The following C3orf70 variants were observed in gnomAD, a reference collection of about 807,000 sequenced individuals.
C3orf70 encodes UPF0524 protein C3orf70.
C3orf70 carries 15 observed loss-of-function variants against 20.7 expected under a neutral mutation model. The observed-to-expected ratio is 0.72, with a 90% CI of 0.48 to 1.11. The LOEUF is 1.11. C3orf70 is among the 50% of genes most tolerant of loss of function. C3orf70 has a pLI of 0.00. For missense variants in C3orf70, 332 were observed against 317.6 expected (o/e 1.05, Z -0.34); for synonymous variants, 161 against 125.7 (o/e 1.28, Z -1.88).
intron 1 of C3orf70, among the ~76,000 whole-genome samples, chr3:185,123,857 A>C (rs1337198396): frequency 1.3e-5 from 2 of 152,180 alleles, no homozygotes; most frequent in African/African-American, 4.8e-5. Flanking sequence ...AAGAATTTTA[A>C]ATTATTTTTT....
intron 1 of C3orf70, among the ~76,000 whole-genome samples, chr3:185,123,736 A>G (rs1178988049): frequency 6.6e-6 from 1 of 152,166 alleles, no homozygotes. Context: ...GATTACAAAA[A>G]TATATATTAT....
At position 185,151,286 on chromosome 3, in the gene C3orf70, T is replaced by C. The variant is rs139914470; in HGVS notation, c.196+1342A>G. On this transcript the variant is annotated intron_variant, in intron 1 of 1. Coordinates refer to ENST00000335012, the MANE Select transcript of C3orf70 (RefSeq NM_001025266.3). ...AAGACAGACAGTAACCTGGACTATC[T>C]TGAACATTCCTCACATTTTACACAA... Among the ~76,000 whole-genome samples the C allele has an allele frequency of 5.3e-5, 8 of 152,330 alleles. No homozygotes were observed. The East Asian group carries it at 1.5e-3, about 29-fold the overall frequency.
chr3:185,152,881 G>T lies in C3orf70; in HGVS notation c.-58C>A. On this transcript the variant is annotated 5_prime_UTR_variant, in exon 1 of 2. Transcript: ENST00000335012. ...AGCCCGGGAGAAGCGACGTCTGGGTGGGCAGGAAGCCGAGCCGGCTGCGGA... is the reference window on the plus strand; with the variant it reads ...AGCCCGGGAGAAGCGACGTCTGGGTTGGCAGGAAGCCGAGCCGGCTGCGGA... 2 of 1,408,626 alleles carry T rather than the reference G, an allele frequency of 1.4e-6. No individual in the cohort carries two copies. The highest frequency in any genetic ancestry group is 1.9e-6 in the Non-Finnish European group (2 of 1,073,150). The allele number at this position is 1,408,626 out of a possible 1,614,324, so 87.3% of individuals were successfully genotyped here.
At chr3:185,095,127 T>C (rs542545095) in intron 1 of C3orf70, among the ~76,000 whole-genome samples, 5 of 152,054 alleles carry the variant, frequency 3.3e-5, no homozygotes, top group Non-Finnish European at 7.4e-5. Flanking sequence ...TTCATTACCA[T>C]TATTATCTTT....
At chr3:185,120,884 A>C (rs7644741) in intron 1 of C3orf70, among the ~76,000 whole-genome samples, 7,872 of 152,168 alleles carry the variant, frequency 0.052, 664 homozygotes, top group African/African-American at 0.18. Context: ...TACTGGGTAT[A>C]TACCCAGAAG....
At chr3:185,108,734 C>T (rs1043538613) in intron 1 of C3orf70, among the ~76,000 whole-genome samples, 2 of 152,194 alleles carry the variant, frequency 1.3e-5, no homozygotes, top group East Asian at 3.8e-4. Flanking sequence ...TGGTACATTC[C>T]TCATCTTTTA....
rs1309294242 is a variant in C3orf70, at chr3:185,146,059, T to TGGAAGAA, written c.196+6568_196+6569insTTCTTCC. On this transcript the variant is annotated intron_variant, in intron 1 of 1. Coordinates refer to ENST00000335012, the MANE Select transcript of C3orf70 (RefSeq NM_001025266.3). ...AGAACCTATCAGCTTTCTCTGTCTC[T>TGGAAGAA]CGAAGAACCTATCAGCTTTCTCTGT... Among the ~76,000 whole-genome samples the TGGAAGAA allele has an allele frequency of 3.1e-4, 47 of 152,086 alleles. 3 individuals are homozygous for TGGAAGAA. Among genetic ancestry groups the TGGAAGAA allele is most frequent in the African/African-American group, 1.1e-3 (45 of 41,464 alleles).
chr3:185,113,599 A>C (rs982012987), intron 1 of C3orf70, among the ~76,000 whole-genome samples: 2 of 152,226 alleles, frequency 1.3e-5, no homozygotes, highest in African/African-American at 4.8e-5. Context: ...CCTATTCATT[A>C]GTCTTAGGGC....
chr3:185,103,841 G>A (rs1393067398), intron 1 of C3orf70, among the ~76,000 whole-genome samples: 2 of 152,138 alleles, frequency 1.3e-5, no homozygotes, highest in Non-Finnish European at 2.9e-5. Context: ...TGTGATTAGT[G>A]GGCTCCCAGG....
intron 1 of C3orf70, among the ~76,000 whole-genome samples, chr3:185,098,517 A>G (rs1715755842): frequency 6.6e-6 from 1 of 152,220 alleles, no homozygotes; most frequent in South Asian, 2.1e-4. Flanking sequence ...GATTAATGCT[A>G]ATAACTCAGA....
intron 1 of C3orf70, among the ~76,000 whole-genome samples, chr3:185,098,386 T>A (rs185128785): frequency 2.0e-5 from 3 of 152,362 alleles, no homozygotes; most frequent in Non-Finnish European, 2.9e-5. Flanking sequence ...TTACAGACTA[T>A]GAGCCTAAAA....
rs1715322576 is a variant in C3orf70, at chr3:185,080,926, G to A, written c.*2081C>T. 3 of 152,118 alleles carry A rather than the reference G, an allele frequency of 2.0e-5. No individual in the cohort carries two copies. The South Asian group carries it at 6.2e-4, about 32-fold the overall frequency. The allele number at this position is 152,118 out of a possible 1,614,324, so 9.4% of individuals were successfully genotyped here. On this transcript the variant is annotated 3_prime_UTR_variant, in exon 2 of 2. Transcript: ENST00000335012. Reference sequence around the variant, plus strand: ...GCCGCATTCTCATTTAGCATAGAAAGTTTTAACTCATACTGTTTGCAAAGG... The same window carrying A: ...GCCGCATTCTCATTTAGCATAGAAAATTTTAACTCATACTGTTTGCAAAGG...
rs1370422375 is a variant in C3orf70, at chr3:185,077,476, G to A, written c.*5531C>T. 6.6e-6 allele frequency among the ~76,000 whole-genome samples: 1 copy of A among 152,126 alleles called. No individual in the cohort carries two copies. Among genetic ancestry groups the A allele is most frequent in the Non-Finnish European group, 1.5e-5 (1 of 68,018 alleles). On this transcript the variant is annotated 3_prime_UTR_variant, in exon 2 of 2. Coordinates refer to ENST00000335012, the MANE Select transcript of C3orf70 (RefSeq NM_001025266.3). Reference sequence around the variant, plus strand: ...TGGAGATTATGCATAGAAAGCTTAAGGTAGCCATTGAACTATAATTAATAT... The same window carrying A: ...TGGAGATTATGCATAGAAAGCTTAAAGTAGCCATTGAACTATAATTAATAT...
chr3:185,115,641 G>A (rs985334960), intron 1 of C3orf70, among the ~76,000 whole-genome samples: 3 of 152,192 alleles, frequency 2.0e-5, no homozygotes, highest in Non-Finnish European at 2.9e-5. Context: ...GGTAATGCAA[G>A]TTCTGACCTA....
At chr3:185,091,370 C>T (rs776742073) in intron 1 of C3orf70, among the ~76,000 whole-genome samples, 3 of 152,024 alleles carry the variant, frequency 2.0e-5, no homozygotes, top group Non-Finnish European at 4.4e-5. Context: ...CTGGATGGGG[C>T]TTGGAATGCT....
intron 1 of C3orf70, among the ~76,000 whole-genome samples, chr3:185,107,597 C>T (rs184901553): frequency 1.3e-5 from 2 of 152,200 alleles, no homozygotes; most frequent in African/African-American, 4.8e-5. Flanking sequence ...AGAACAATGG[C>T]CACTAAGTAA....
chr3:185,094,602 A>G (rs955664622), intron 1 of C3orf70, among the ~76,000 whole-genome samples: 1 of 151,968 alleles, frequency 6.6e-6, no homozygotes, highest in Non-Finnish European at 1.5e-5. Context: ...GACACGGCTA[A>G]TTCCAGTTGA....
intron 1 of C3orf70, among the ~76,000 whole-genome samples, chr3:185,121,158 T>C (rs1448934424): frequency 5.9e-5 from 9 of 152,032 alleles, no homozygotes; most frequent in Non-Finnish European, 1.5e-5. Context: ...ACGTTCTCAC[T>C]CATAAATGGA....
At chr3:185,106,515 A>G (rs1018117828) in intron 1 of C3orf70, among the ~76,000 whole-genome samples, 2 of 152,254 alleles carry the variant, frequency 1.3e-5, no homozygotes, top group African/African-American at 4.8e-5. Context: ...AGCCTGAAAT[A>G]TGTCCAAAAT....
Sources: gnomAD v4.1 joint callset for allele counts (sites outside exome capture counted in the v4.1 genomes callset) on GRCh38, gnomAD v4.1.1 for gene constraint, MANE v1.5 for transcripts, NCBI Gene and HGNC (gene_info 2026-07-23, HGNC 2026-07-21) for gene names.